TXLNB: variants seen among roughly 807,000 people sequenced by gnomAD.
TXLNB encodes the protein beta-taxilin.
A neutral mutation model predicts 57.4 loss-of-function variants in TXLNB; 37 were observed. That is an observed-to-expected ratio of 0.64 (90% CI 0.50 to 0.85). The LOEUF (loss-of-function observed/expected upper bound fraction) is 0.85. Ranked by LOEUF, TXLNB falls within the 40% of genes least tolerant of loss-of-function variation. The probability of loss-of-function intolerance (pLI) is 0.00; values close to 1 mark genes in which losing one functional copy is unlikely to be tolerated. For missense variants in TXLNB, 848 were observed against 825.6 expected (o/e 1.03, Z -0.33); for synonymous variants, 302 against 309.6 (o/e 0.98, Z 0.26).
At chr6:139,257,378 CACAA>C (rs774377254) in intron 6 of TXLNB, among the ~76,000 whole-genome samples, 3 of 152,134 alleles carry the variant, frequency 2.0e-5, no homozygotes, top group African/African-American at 7.2e-5. Context: ...GCATAATTTG[CACAA>C]ACAGTTTTTT....
chr6:139,272,327 T>A (rs1776785997), intron 3 of TXLNB, among the ~76,000 whole-genome samples: 1 of 151,838 alleles, frequency 6.6e-6, no homozygotes, highest in Non-Finnish European at 1.5e-5. Flanking sequence ...AAATAAAAAA[T>A]AAATAGAAAA....
At position 139,240,583 on chromosome 6, in the gene TXLNB, A is replaced by C. The variant is rs1775909973; in HGVS notation, c.*1943T>G. The C allele has an allele frequency of 6.5e-6, 1 of 152,698 alleles. No homozygotes were observed. The highest frequency in any genetic ancestry group is 6.5e-5 in the Admixed American group (1 of 15,290). The allele number at this position is 152,698 out of a possible 1,614,324, so 9.5% of individuals were successfully genotyped here. The stretch of plus-strand genomic sequence containing the variant: ...AGGAGACCCTCCTGGATTATGGTGA[A>C]TATTTAGCTCTGAATCAAATGAATG... On this transcript the variant is annotated 3_prime_UTR_variant, in exon 10 of 10. Coordinates refer to ENST00000358430, the MANE Select transcript of TXLNB (RefSeq NM_153235.4).
At chr6:139,179,095 C>A in the TXLNB span, 2 of 152,132 alleles carry the variant, frequency 1.3e-5, no homozygotes, top group Admixed American at 1.3e-4. Context: ...TTTGATGCAA[C>A]TAAAAGAGGA....
At chr6:139,245,765 T>C (rs1250794779) in intron 8 of TXLNB, among the ~76,000 whole-genome samples, 1 of 152,262 alleles carries the variant, frequency 6.6e-6, no homozygotes, top group Non-Finnish European at 1.5e-5. Context: ...TGATCTCGGC[T>C]CACTGCAAAC....
chr6:139,174,657 G>C, the TXLNB span: 2 of 1,422,994 alleles, frequency 1.4e-6, no homozygotes, highest in South Asian at 2.8e-5. Context: ...TGATGGCTGA[G>C]TTACTACTTG....
At chr6:139,220,755 T>A in the TXLNB span, among the ~76,000 whole-genome samples, 4 of 152,202 alleles carry the variant, frequency 2.6e-5, no homozygotes, top group African/African-American at 9.7e-5. Flanking sequence ...ATTTGCATTA[T>A]ATCAGATAAT....
the TXLNB span, among the ~76,000 whole-genome samples, chr6:139,224,232 T>A: frequency 4.2e-5 from 6 of 143,006 alleles, no homozygotes; most frequent in Admixed American, 7.5e-5. Context: ...CACTCATAGG[T>A]GGGAATTGAA....
the TXLNB span, among the ~76,000 whole-genome samples, chr6:139,230,082 GT>G: frequency 6.6e-6 from 1 of 152,152 alleles, no homozygotes; most frequent in Non-Finnish European, 1.5e-5. Flanking sequence ...CAGACAATTA[GT>G]TTGTTATAAA....
At chr6:139,166,838 G>A in the TXLNB span, 5 of 1,613,774 alleles carry the variant, frequency 3.1e-6, no homozygotes, top group Non-Finnish European at 4.2e-6. Flanking sequence ...CCCACCCACG[G>A]GCTACTCCAT....
chr6:139,277,462 A>G (rs928626600), intron 2 of TXLNB, among the ~76,000 whole-genome samples: 2 of 151,986 alleles, frequency 1.3e-5, no homozygotes, highest in Non-Finnish European at 2.9e-5. Context: ...TCCCTCTTTT[A>G]GGGGGAACCA....
At chr6:139,212,216 C>T in the TXLNB span, among the ~76,000 whole-genome samples, 18 of 151,920 alleles carry the variant, frequency 1.2e-4, no homozygotes, top group Non-Finnish European at 4.4e-5. Context: ...AAATGTTAAG[C>T]GCAGCCAGAG....
At chr6:139,217,425 A>C in the TXLNB span, among the ~76,000 whole-genome samples, 3 of 152,214 alleles carry the variant, frequency 2.0e-5, no homozygotes, top group Non-Finnish European at 4.4e-5. Context: ...TTATGAGTGA[A>C]AATAAGAGCT....
chr6:139,166,106 G>C, the TXLNB span: 1 of 568,308 alleles, frequency 1.8e-6, no homozygotes, highest in Non-Finnish European at 3.1e-6. Context: ...GGTTGGTTAA[G>C]TAGCTTCATC....
intron 2 of TXLNB, among the ~76,000 whole-genome samples, chr6:139,281,270 T>C (rs963365203): frequency 3.9e-5 from 6 of 152,286 alleles, no homozygotes; most frequent in African/African-American, 1.4e-4. Context: ...GATGGCATAT[T>C]TGTTATCTTA....
the TXLNB span, among the ~76,000 whole-genome samples, chr6:139,181,579 T>C: frequency 6.6e-6 from 1 of 152,226 alleles, no homozygotes. Flanking sequence ...GTAATGCTAG[T>C]GTACTCATAC....
At chr6:139,166,625 T>C in the TXLNB span, 1 of 1,614,030 alleles carries the variant, frequency 6.2e-7, no homozygotes, top group Non-Finnish European at 8.5e-7. Flanking sequence ...AAAGAAGAAG[T>C]CTGGCTCCGA....
downstream of TXLNB, among the ~76,000 whole-genome samples, chr6:139,235,922 C>T (rs144679689): frequency 7.2e-5 from 11 of 152,208 alleles, no homozygotes; most frequent in East Asian, 3.9e-4. Context: ...AAGAGCACAC[C>T]GACAGGCACC....
chr6:139,254,944 G>A (rs1014177497), intron 7 of TXLNB, among the ~76,000 whole-genome samples: 1 of 152,032 alleles, frequency 6.6e-6, no homozygotes, highest in Non-Finnish European at 1.5e-5. Flanking sequence ...TCAGCCTCCT[G>A]GGTAGCTGGG....
intron 3 of TXLNB, among the ~76,000 whole-genome samples, chr6:139,275,249 T>A (rs560540835): frequency 1.4e-3 from 214 of 152,334 alleles, no homozygotes; most frequent in African/African-American, 4.9e-3. Context: ...TTTAAATATA[T>A]TCAAATTATT....
Sources: allele counts gnomAD v4.1 joint callset (sites outside exome capture counted in the v4.1 genomes callset), GRCh38; gene constraint gnomAD v4.1.1; transcripts MANE v1.5; gene names NCBI Gene and HGNC (gene_info 2026-07-23, HGNC 2026-07-21).